NEGR1: variants seen among roughly 807,000 people sequenced by gnomAD.
NEGR1 encodes IgLON family member 4.
Under a neutral mutation model 40.9 loss-of-function variants are expected in NEGR1, and 10 were observed. The ratio of observed to expected loss-of-function variants is 0.24; its 90% CI spans 0.15 to 0.42. The LOEUF (loss-of-function observed/expected upper bound fraction) is 0.42. Among genes scored for constraint, NEGR1 ranks in the 10% least tolerant of loss-of-function variants. The pLI is 1.00. For synonymous variants in NEGR1, 185 were observed against 166.8 expected, an observed-to-expected ratio of 1.11 and a Z score of -0.84; for missense variants, 352 against 438.9, an observed-to-expected ratio of 0.80 and a Z score of 1.77.
chr1:71,926,590 G>C lies in NEGR1; in HGVS notation c.409+8489C>G, dbSNP rs185924964. Among the ~76,000 whole-genome samples the C allele has an allele frequency of 2.7e-4, 40 of 147,348 alleles. 1 individual carries two copies. In the East Asian group the frequency reaches 6.7e-3, roughly 25 times the overall value. On this transcript the variant is annotated intron_variant, in intron 2 of 6. Transcript: ENST00000357731. ...ATGAACTCACAAAGTTCCTTCTATAGGAAAAAAAAAAAGAGATGACTCAGA... is the reference window on the plus strand; with the variant it reads ...ATGAACTCACAAAGTTCCTTCTATACGAAAAAAAAAAAGAGATGACTCAGA...
intron 1 of NEGR1, among the ~76,000 whole-genome samples, chr1:72,047,367 G>A (rs1198957761): frequency 1.3e-5 from 2 of 151,394 alleles, no homozygotes; most frequent in East Asian, 1.9e-4. Flanking sequence ...CCAAAGAAAC[G>A]TCATTCAATT....
At chr1:71,919,741 A>T (rs1645684028) in intron 2 of NEGR1, among the ~76,000 whole-genome samples, 1 of 152,228 alleles carries the variant, frequency 6.6e-6, no homozygotes, top group Admixed American at 6.5e-5. Flanking sequence ...TAGCCAAGAA[A>T]GCCTAGGTTC....
chr1:72,270,487 TC>T (rs1387686245), intron 1 of NEGR1, among the ~76,000 whole-genome samples: 3 of 151,824 alleles, frequency 2.0e-5, no homozygotes, highest in African/African-American at 7.2e-5. Context: ...TAAGAACATA[TC>T]TAATCCTCAA....
At chr1:71,757,029 C>G (rs1323947285) in intron 3 of NEGR1, among the ~76,000 whole-genome samples, 1 of 151,952 alleles carries the variant, frequency 6.6e-6, no homozygotes, top group Non-Finnish European at 1.5e-5. Context: ...GAAACAGAGC[C>G]TTAGACAAAA....
chr1:71,645,215 A>G (rs1192000285), intron 4 of NEGR1, among the ~76,000 whole-genome samples: 1 of 151,996 alleles, frequency 6.6e-6, no homozygotes, highest in Non-Finnish European at 1.5e-5. Flanking sequence ...TAGAGGAACC[A>G]CACACTTGCT....
At chr1:71,994,935 T>G (rs762237363) in intron 1 of NEGR1, among the ~76,000 whole-genome samples, 66 of 144,886 alleles carry the variant, frequency 4.6e-4, no homozygotes, top group Non-Finnish European at 7.7e-4. Flanking sequence ...GGCATCAGTA[T>G]GCCAGGATGT....
chr1:72,098,099 G>C (rs985909137), intron 1 of NEGR1, among the ~76,000 whole-genome samples: 1 of 152,068 alleles, frequency 6.6e-6, no homozygotes, highest in Non-Finnish European at 1.5e-5. Context: ...CATAGCCCCT[G>C]TCCTATAAAA....
chr1:71,782,457 T>C lies in NEGR1; in HGVS notation c.410-6160A>G, dbSNP rs116522612. ...CTGCCCCTTTCCACTCCTATACTCA[T>C]TTCTTGTGATAGTTTTCTTTGCAAT... On this transcript the variant is annotated intron_variant, in intron 2 of 6. Coordinates refer to ENST00000357731, the MANE Select transcript of NEGR1 (RefSeq NM_173808.3). Among the ~76,000 whole-genome samples, 810 of 152,324 alleles carry C rather than the reference T, an allele frequency of 5.3e-3. 11 individuals carry two copies. Among genetic ancestry groups the C allele is most frequent in the African/African-American group, 0.018 (748 of 41,582 alleles).
At chr1:72,039,150 C>T (rs1025193376) in intron 1 of NEGR1, among the ~76,000 whole-genome samples, 1 of 151,782 alleles carries the variant, frequency 6.6e-6, no homozygotes, top group African/African-American at 2.4e-5. Flanking sequence ...AGAGAAACAG[C>T]AGATTATGCA....
At chr1:72,023,125 G>A (rs1468576582) in intron 1 of NEGR1, among the ~76,000 whole-genome samples, 1 of 152,020 alleles carries the variant, frequency 6.6e-6, no homozygotes, top group Non-Finnish European at 1.5e-5. Flanking sequence ...TCAATTCACT[G>A]TACTCCGGTG....
At position 71,567,454 on chromosome 1, in the gene NEGR1, A is replaced by G. The variant is rs540600818; in HGVS notation, c.940+25363T>C. 7.2e-5 allele frequency among the ~76,000 whole-genome samples: 11 copies of G among 152,280 alleles called. No individual in the cohort carries two copies. The East Asian group carries it at 1.9e-3, about 27-fold the overall frequency. Reference sequence around the variant, plus strand: ...CCTATTACCTATACTTTAATTTAATAGCCTATGCTTATTTTGATCACTTAA... The same window carrying G: ...CCTATTACCTATACTTTAATTTAATGGCCTATGCTTATTTTGATCACTTAA... On this transcript the variant is annotated intron_variant, in intron 6 of 6. Transcript: ENST00000357731.
intron 1 of NEGR1, among the ~76,000 whole-genome samples, chr1:71,973,968 G>A (rs1277243879): frequency 6.6e-6 from 1 of 150,640 alleles, no homozygotes; most frequent in Non-Finnish European, 1.5e-5. Context: ...TTTTCATGCT[G>A]TATTTCTATT....
At chr1:71,696,109 T>C (rs1369936323) in intron 4 of NEGR1, among the ~76,000 whole-genome samples, 1 of 151,748 alleles carries the variant, frequency 6.6e-6, no homozygotes, top group African/African-American at 2.4e-5. Context: ...CTGTAGACTC[T>C]TCAGCGTTCC....
intron 3 of NEGR1, among the ~76,000 whole-genome samples, chr1:71,706,195 T>A (rs1015373682): frequency 6.6e-6 from 1 of 152,138 alleles, no homozygotes; most frequent in African/African-American, 2.4e-5. Context: ...CCACAACAGC[T>A]GTGAGGCATT....
intron 5 of NEGR1, among the ~76,000 whole-genome samples, chr1:71,597,961 C>T (rs190026945): frequency 2.6e-5 from 4 of 152,074 alleles, no homozygotes; most frequent in East Asian, 1.9e-4. Flanking sequence ...TTTCGTGTTA[C>T]GAGTGTGAAA....
At chr1:71,564,706 G>A (rs1043626288) in intron 6 of NEGR1, among the ~76,000 whole-genome samples, 25 of 152,000 alleles carry the variant, frequency 1.6e-4, no homozygotes, top group African/African-American at 4.1e-4. Context: ...GATGCCAGTC[G>A]TTTTTATAAA....
intron 1 of NEGR1, among the ~76,000 whole-genome samples, chr1:72,229,778 G>A (rs942658121): frequency 2.0e-5 from 3 of 151,826 alleles, no homozygotes; most frequent in Non-Finnish European, 2.9e-5. Context: ...TTTCAAAGGT[G>A]TTCTCTCCTA....
intron 1 of NEGR1, 67 bp downstream of exon 1, chr1:72,282,252 A>C: frequency 6.4e-7 from 1 of 1,568,772 alleles, no homozygotes; most frequent in Non-Finnish European, 8.7e-7. Context: ...AAAGAAGGCA[A>C]AGAGGGTTCA....
At chr1:71,903,513 C>T (rs147606071) in intron 2 of NEGR1, among the ~76,000 whole-genome samples, 1,972 of 151,924 alleles carry the variant, frequency 0.013, 143 homozygotes, top group Admixed American at 0.11. Context: ...GAAAGACTAC[C>T]GGTGTGACCT....
Sources: allele counts gnomAD v4.1 joint callset (sites outside exome capture counted in the v4.1 genomes callset), GRCh38; gene constraint gnomAD v4.1.1; transcripts MANE v1.5; gene names NCBI Gene and HGNC (gene_info 2026-07-23, HGNC 2026-07-21).